The following CAD variants were observed in gnomAD, a reference collection of about 807,000 sequenced individuals.
The protein encoded by CAD is multifunctional protein CAD.
CAD carries 81 observed loss-of-function variants against 237.2 expected under a neutral mutation model. The observed-to-expected ratio is 0.34, with a 90% CI of 0.29 to 0.41. The LOEUF (loss-of-function observed/expected upper bound fraction) is 0.41. Among genes scored for constraint, CAD ranks in the 10% least tolerant of loss-of-function variants. The pLI, the probability that CAD is intolerant of heterozygous loss-of-function variation, is 1.00. For synonymous variants in CAD, 1,196 were observed against 1,162.8 expected, an observed-to-expected ratio of 1.03 and a Z score of -0.58; for missense variants, 2,181 against 2,951.7, an observed-to-expected ratio of 0.74 and a Z score of 6.05.
chr2:27,228,026 A>C (rs577645809), intron 15 of CAD, among the ~76,000 whole-genome samples: 2 of 152,382 alleles, frequency 1.3e-5, no homozygotes, highest in African/African-American at 4.8e-5. Flanking sequence ...TTACAACCAC[A>C]GTTACAAAGA....
In CAD at chr2:27,234,230, A is replaced by G. The variant is rs1675898050; in HGVS notation, c.3618+4A>G. The G allele has an allele frequency of 3.1e-6, 5 of 1,613,134 alleles. No individual in the cohort carries two copies. In the East Asian group the frequency reaches 1.1e-4, roughly 36 times the overall value. ...CAATCTGCAGCTCATTGCCAAGGTA[A>G]TAAGGCTAAAGGAAAGAACTAAAGG... On this transcript the variant is annotated splice_donor_region_variant and intron_variant, in intron 22 of 43. Transcript: ENST00000264705.
At position 27,240,792 on chromosome 2, in the gene CAD, T is replaced by C; in HGVS notation, c.5594-119T>C. Reference sequence around the variant, plus strand: ...TCCCCTGCCCTCCCCTAACCTGCTATATTACTGTGTTGTGAATTGGTTTAA... The same window carrying C: ...TCCCCTGCCCTCCCCTAACCTGCTACATTACTGTGTTGTGAATTGGTTTAA... On this transcript the variant is annotated intron_variant, in intron 35 of 43. Coordinates refer to ENST00000264705, the MANE Select transcript of CAD (RefSeq NM_004341.5). The surrounding 1 kb of genome is among the most constrained non-coding windows in gnomAD (Gnocchi z 4.6). The C allele has an allele frequency of 1.6e-6, 2 of 1,245,596 alleles. No individual in the cohort carries two copies. The highest frequency in any genetic ancestry group is 2.3e-6 in the Non-Finnish European group (2 of 868,964). 77.2% of individuals were successfully genotyped at this position (1,245,596 alleles called of 1,614,324 possible). A position where few individuals can be genotyped will look rare whatever the true frequency, so the allele number is the denominator to read the frequency against.
intron 15 of CAD, among the ~76,000 whole-genome samples, chr2:27,229,866 C>T (rs1411127233): frequency 7.6e-6 from 1 of 130,776 alleles, no homozygotes; most frequent in Admixed American, 8.6e-5. Flanking sequence ...CACAGTGAGA[C>T]TACGTCTCAG....
chr2:27,240,932 C>T lies in CAD; in HGVS notation c.5615C>T (p.Ser1872Phe), dbSNP rs747582628. 6.2e-7 allele frequency: 1 copy of T among 1,614,112 alleles called. No homozygotes were observed. Among genetic ancestry groups the T allele is most frequent in the East Asian group, 2.2e-5 (1 of 44,890 alleles). ...GLPAEEPKEKSSRKVAEPELM... is the reference protein window; with the variant it reads ...GLPAEEPKEKFSRKVAEPELM... ...GCAGCTGAGGAGCCAAAGGAGAAGT[C>T]CTCTCGGAAGGTAGCCGAGCCAGGT... The change falls in exon 36 of 44, where the codon TCC (serine) becomes TTC (phenylalanine). Residue 1872 changes from serine (S) to phenylalanine (F), a missense_variant. Ser to Phe is a radical substitution (Grantham distance 155, BLOSUM62 -2). Coordinates refer to ENST00000264705, the MANE Select transcript of CAD (RefSeq NM_004341.5). The surrounding 1 kb of genome is among the most constrained non-coding windows in gnomAD (Gnocchi z 4.6).
chr2:27,232,782 A>C lies in CAD; in HGVS notation c.2892+88A>C, dbSNP rs1328589983. The C allele has an allele frequency of 6.5e-7, 1 of 1,533,104 alleles. No individual in the cohort carries two copies. Among genetic ancestry groups the C allele is most frequent in the Non-Finnish European group, 9.0e-7 (1 of 1,114,888 alleles). The allele number at this position is 1,533,104 out of a possible 1,614,324, so 95.0% of individuals were successfully genotyped here. ...GCACTAATCCTGGCATTTCCTATTA[A>C]TTGCCGTCCCTTACTTTGGTCATAG... On this transcript the variant is annotated intron_variant, in intron 18 of 43. Transcript: ENST00000264705. The surrounding 1 kb of genome is among the most constrained non-coding windows in gnomAD (Gnocchi z 4.1).
At chr2:27,227,676 A>G (rs1208283127) in intron 15 of CAD, 1 of 152,232 alleles carries the variant, frequency 6.6e-6, no homozygotes, top group African/African-American at 2.4e-5. Flanking sequence ...TGTGGCAAAA[A>G]GAAGTGGATT....
chr2:27,234,498 A>G lies in CAD; in HGVS notation c.3619-20A>G, dbSNP rs538382146. ...GCAAGGCCAACCTGCAGAAGGCCTG[A>G]CCAGTCTTCTCTGCCCCAGGATGAC... On this transcript the variant is annotated intron_variant, in intron 22 of 43. Coordinates refer to ENST00000264705, the MANE Select transcript of CAD (RefSeq NM_004341.5). 1.2e-6 allele frequency: 2 copies of G among 1,611,740 alleles called. No homozygotes were observed. Among genetic ancestry groups the G allele is most frequent in the Admixed American group, 3.3e-5 (2 of 59,974 alleles).
At position 27,222,346 on chromosome 2, in the gene CAD, T is replaced by G. The variant is rs1426554563; in HGVS notation, c.495+10T>G. 10 of 1,604,990 alleles carry G rather than the reference T, an allele frequency of 6.2e-6. No individual in the cohort carries two copies. Among genetic ancestry groups the G allele is most frequent in the African/African-American group, 1.3e-5 (1 of 74,754 alleles). On this transcript the variant is annotated intron_variant, in intron 4 of 43. Coordinates refer to ENST00000264705, the MANE Select transcript of CAD (RefSeq NM_004341.5). Reference sequence around the variant, plus strand: ...AGAGGTCTCCATTAAGGTACAGAGGTAGAGTGGGAGAGTGTTGCAAGCTCT... The same window carrying G: ...AGAGGTCTCCATTAAGGTACAGAGGGAGAGTGGGAGAGTGTTGCAAGCTCT...
rs1675253455 is a variant in CAD at position 27,223,050 on chromosome 2, G to A, written c.809+13G>A. Reference sequence around the variant, plus strand: ...CTTACAAGATGAGGTGGGACTTGTGGGGAGCAGAAGGGGCCCATACTTGTG... The same window carrying A: ...CTTACAAGATGAGGTGGGACTTGTGAGGAGCAGAAGGGGCCCATACTTGTG... On this transcript the variant is annotated intron_variant, in intron 6 of 43. Coordinates refer to ENST00000264705, the MANE Select transcript of CAD (RefSeq NM_004341.5). 6.2e-7 allele frequency: 1 copy of A among 1,613,540 alleles called. No homozygotes were observed. Among genetic ancestry groups the A allele is most frequent in the Non-Finnish European group, 8.5e-7 (1 of 1,179,694 alleles).
chr2:27,229,328 G>A (rs1165579052), intron 15 of CAD, among the ~76,000 whole-genome samples: 5 of 152,048 alleles, frequency 3.3e-5, no homozygotes, highest in Admixed American at 1.3e-4. Context: ...GAGTGCAATG[G>A]TGTGACTTAG....
In CAD at chr2:27,222,190, A is replaced by ACAGGAGTAGACACT; in HGVS notation, c.353-2_364dup. ...TGATCCCTAAGACTGTGCTATTTTG[A>ACAGGAGTAGACACT]CAGGAGTAGACACTCGGGAGCTGAC... On this transcript the variant is annotated splice_polypyrimidine_tract_variant and splice_region_variant and intron_variant, in intron 3 of 43. Coordinates refer to ENST00000264705, the MANE Select transcript of CAD (RefSeq NM_004341.5). 1.2e-6 allele frequency: 2 copies of ACAGGAGTAGACACT among 1,612,696 alleles called. No individual in the cohort carries two copies. The highest frequency in any genetic ancestry group is 1.7e-6 in the Non-Finnish European group (2 of 1,178,988).
At chr2:27,238,739 C>A in intron 31 of CAD, 107 bp downstream of exon 31, 1 of 1,072,080 alleles carries the variant, frequency 9.3e-7, no homozygotes, top group Non-Finnish European at 1.3e-6. Context: ...AGGACAGGGT[C>A]TTGATCCGTA....
Position 27,239,585 on chromosome 2 carries a change from A to G in CAD, c.5395-112A>G. 18 of 1,515,496 alleles carry G rather than the reference A, an allele frequency of 1.2e-5. No homozygotes were observed. The highest frequency in any genetic ancestry group is 1.6e-5 in the Non-Finnish European group (18 of 1,105,112). 93.9% of individuals were successfully genotyped at this position (1,515,496 alleles called of 1,614,324 possible). On this transcript the variant is annotated intron_variant, in intron 33 of 43. Transcript: ENST00000264705. The surrounding 1 kb of genome is among the most constrained non-coding windows in gnomAD (Gnocchi z 4.0). ...ACTATGTGCACCACTGCCCTGGACC[A>G]GGGGTTGGGGGCACAGCTCCCCCAA...
At chr2:27,231,007 TTTG>T (rs1192644005) in intron 15 of CAD, among the ~76,000 whole-genome samples, 1 of 152,128 alleles carries the variant, frequency 6.6e-6, no homozygotes, top group Non-Finnish European at 1.5e-5. Flanking sequence ...TGTTTGTTTG[TTTG>T]TTTTGTTTTG....
intron 15 of CAD, 39 bp downstream of exon 15, chr2:27,227,001 C>G (rs778890234): frequency 6.3e-7 from 1 of 1,596,954 alleles, no homozygotes; most frequent in Non-Finnish European, 8.6e-7. Flanking sequence ...GGGGCCCCAC[C>G]ATGACCAAGA....
At position 27,233,425 on chromosome 2, in the gene CAD, G is replaced by A. The variant is rs755402255; in HGVS notation, c.3105G>A (p.Leu1035=). The change falls in exon 20 of 44, where the codon CTG becomes CTA. Residue 1035 remains leucine, a synonymous_variant. Coordinates refer to ENST00000264705, the MANE Select transcript of CAD (RefSeq NM_004341.5). The surrounding 1 kb of genome is among the most constrained non-coding windows in gnomAD (Gnocchi z 6.3). ...TGCATCGGCAGCAGTGCCGGGTGCTGGGCACCTCCCCTGAAGCCATTGACT... is the reference window on the plus strand; with the variant it reads ...TGCATCGGCAGCAGTGCCGGGTGCTAGGCACCTCCCCTGAAGCCATTGACT... ...MALHRQQCRV[L]GTSPEAIDSA... is the part of the protein sequence containing the mutation. The A allele has an allele frequency of 1.2e-6, 2 of 1,614,194 alleles. No individual in the cohort carries two copies. The highest frequency in any genetic ancestry group is 1.1e-5 in the South Asian group (1 of 91,088).
chr2:27,233,047 A>C lies in CAD; in HGVS notation c.2898A>C (p.Gly966=), dbSNP rs1420735068. ...VGCIQQLRKM[G]YKTIMVNYNP... ...CCTTCCCCTCCCTCTTGCAGATGGG[A>C]TATAAGACCATCATGGTGAACTATA... Residue 966 remains glycine (G), a synonymous_variant, in exon 19 of 44, where the codon GGA becomes GGC. Transcript: ENST00000264705. The surrounding 1 kb of genome is among the most constrained non-coding windows in gnomAD (Gnocchi z 6.3). The C allele has an allele frequency of 6.2e-7, 1 of 1,604,806 alleles. No homozygotes were observed. The highest frequency in any genetic ancestry group is 1.1e-5 in the South Asian group (1 of 90,906).
intron 8 of CAD, 71 bp downstream of exon 8, chr2:27,224,100 C>T (rs750806021): frequency 6.0e-5 from 70 of 1,176,016 alleles, no homozygotes; most frequent in Admixed American, 8.6e-5. Context: ...ATAAGGTGGA[C>T]ATGCCCTGGG....
At chr2:27,224,904 A>AAG in intron 10 of CAD, 28 bp downstream of exon 10, 1 of 1,614,106 alleles carries the variant, frequency 6.2e-7, no homozygotes, top group Non-Finnish European at 8.5e-7. Context: ...CTGGAATGAA[A>AAG]AGAGGACTGG....
Sources: gnomAD v4.1 joint callset for allele counts (sites outside exome capture counted in the v4.1 genomes callset) on GRCh38, gnomAD v4.1.1 for gene constraint, Gnocchi (gnomAD v3.1) non-coding constraint, MANE v1.5 for transcripts, NCBI Gene and HGNC (gene_info 2026-07-23, HGNC 2026-07-21) for gene names.